The following PIAS2 variants were observed in gnomAD, a reference collection of about 807,000 sequenced individuals.
PIAS2 encodes E3 SUMO-protein ligase PIAS2.
A neutral mutation model predicts 69.7 loss-of-function variants in PIAS2; 19 were observed. That is an observed-to-expected ratio of 0.27 (90% CI 0.19 to 0.40). The LOEUF is 0.40. Ranked by LOEUF, PIAS2 falls within the 10% of genes least tolerant of loss-of-function variation. The pLI, the probability that PIAS2 is intolerant of heterozygous loss-of-function variation, is 1.00. For synonymous variants in PIAS2, 261 were observed against 263.2 expected (o/e 0.99, Z 0.08); for missense variants, 624 against 757.0 (o/e 0.82, Z 2.06).
Position 46,917,328 on chromosome 18 carries a change from C to A in PIAS2, c.18G>T (p.Glu6Asp), listed in dbSNP as rs1599217143. ...GCTCTCCACTCCCGCTTACCCTCAA[C>A]TCTTCGAAATCCGCCATTTTATACC... MADFE[E>D]LRNMVSSFRV... Residue 6 changes from glutamate to aspartate, a missense_variant, in exon 1 of 14, where the codon GAG becomes GAT. Glu to Asp is a conservative substitution (Grantham distance 45). Coordinates refer to ENST00000585916, the MANE Select transcript of PIAS2 (RefSeq NM_004671.5). The A allele has an allele frequency of 3.0e-5, 44 of 1,479,266 alleles. No individual in the cohort carries two copies. The highest frequency in any genetic ancestry group is 3.9e-5 in the Non-Finnish European group (43 of 1,111,044). 91.6% of individuals were successfully genotyped at this position (1,479,266 alleles called of 1,614,324 possible).
intron 11 of PIAS2, among the ~76,000 whole-genome samples, chr18:46,822,176 T>C (rs991034863): frequency 2.0e-5 from 3 of 152,210 alleles, no homozygotes; most frequent in African/African-American, 7.2e-5. Context: ...GAAAACTATT[T>C]CATAACCTCA....
At chr18:46,823,047 C>T (rs370588193) in intron 11 of PIAS2, among the ~76,000 whole-genome samples, 6 of 143,984 alleles carry the variant, frequency 4.2e-5, no homozygotes, top group East Asian at 4.0e-4. Flanking sequence ...GACCAGACTA[C>T]GGAACATAGG....
intron 5 of PIAS2, among the ~76,000 whole-genome samples, chr18:46,848,469 A>C (rs563249825): frequency 6.6e-6 from 1 of 152,314 alleles, no homozygotes; most frequent in South Asian, 2.1e-4. Context: ...AGCAATTTTA[A>C]GACACTTCTG....
At position 46,889,426 on chromosome 18, in the gene PIAS2, T is replaced by A. The variant is rs142963417; in HGVS notation, c.499+1154A>T. On this transcript the variant is annotated intron_variant, in intron 2 of 13. Coordinates refer to ENST00000585916, the MANE Select transcript of PIAS2 (RefSeq NM_004671.5). ...ACCAATTCAAAAATGGGCAAGAGAC[T>A]TGGCTATACATTTCTTGAAAGATAC... 4.1e-4 allele frequency among the ~76,000 whole-genome samples: 63 copies of A among 152,248 alleles called. No homozygotes were observed. The East Asian group carries it at 9.3e-3, about 22-fold the overall frequency.
At chr18:46,817,475 A>G (rs2041683921) in intron 12 of PIAS2, 1 of 954,316 alleles carries the variant, frequency 1.0e-6, no homozygotes, top group Non-Finnish European at 1.2e-6. Flanking sequence ...TGTTATTTCA[A>G]TTCCAGTTCT....
rs566875118 is a variant in PIAS2 at position 46,865,297 on chromosome 18, T to G, written c.500-1049A>C. ...GCTCACACGTGTAATCCCAGCACTC[T>G]GGGAGGCCGAGGCAGGTGGATTACT... On this transcript the variant is annotated intron_variant, in intron 2 of 13. Transcript: ENST00000585916. Among the ~76,000 whole-genome samples the G allele has an allele frequency of 4.6e-5, 7 of 152,232 alleles. No individual in the cohort carries two copies. The South Asian group carries it at 8.3e-4, about 18-fold the overall frequency.
intron 2 of PIAS2, among the ~76,000 whole-genome samples, chr18:46,888,869 C>G (rs530957369): frequency 5.3e-4 from 81 of 152,194 alleles, no homozygotes; most frequent in Non-Finnish European, 9.7e-4. Context: ...AGGCTGTGGA[C>G]TGGTGCTAGT....
chr18:46,908,066 C>A (rs1213711138), intron 1 of PIAS2: 2 of 152,092 alleles, frequency 1.3e-5, no homozygotes, highest in African/African-American at 4.8e-5. Context: ...GAAAATTCAT[C>A]CAGCTATAAT....
At chr18:46,842,246 TAAAAAAA>T (rs755000016) in intron 8 of PIAS2, among the ~76,000 whole-genome samples, 1 of 35,568 alleles carries the variant, frequency 2.8e-5, no homozygotes, top group Non-Finnish European at 7.7e-5. Context: ...TAAAATAAAT[TAAAAAAA>T]AAAAAAAGGA....
intron 1 of PIAS2, among the ~76,000 whole-genome samples, chr18:46,895,443 G>A (rs1365605067): frequency 6.6e-6 from 1 of 152,142 alleles, no homozygotes; most frequent in Non-Finnish European, 1.5e-5. Flanking sequence ...GGCCAAAGCG[G>A]GCGGATCATC....
At chr18:46,824,375 T>C (rs2042558006) in intron 11 of PIAS2, among the ~76,000 whole-genome samples, 1 of 152,230 alleles carries the variant, frequency 6.6e-6, no homozygotes, top group Admixed American at 6.5e-5. Context: ...AGATTTATCC[T>C]TATTATGTTT....
intron 1 of PIAS2, among the ~76,000 whole-genome samples, chr18:46,909,081 T>A (rs2056967129): frequency 6.6e-6 from 1 of 152,110 alleles, no homozygotes; most frequent in South Asian, 2.1e-4. Context: ...TGCATCCAAC[T>A]GTGAAACTAT....
At chr18:46,915,819 T>C (rs1156656853) in intron 1 of PIAS2, among the ~76,000 whole-genome samples, 1 of 151,112 alleles carries the variant, frequency 6.6e-6, no homozygotes, top group African/African-American at 2.4e-5. Flanking sequence ...CTTAGAAAAC[T>C]TGTATACATC....
At chr18:46,876,942 C>T (rs1206219283) in intron 2 of PIAS2, among the ~76,000 whole-genome samples, 1 of 152,144 alleles carries the variant, frequency 6.6e-6, no homozygotes, top group East Asian at 1.9e-4. Flanking sequence ...CCTCATGATC[C>T]ACCTGCCTCA....
intron 3 of PIAS2, among the ~76,000 whole-genome samples, chr18:46,863,106 A>C (rs954546639): frequency 2.0e-5 from 3 of 152,162 alleles, no homozygotes; most frequent in Non-Finnish European, 4.4e-5. Context: ...TGGGTCTACC[A>C]ATACTTTTCA....
rs148347293 is a variant in PIAS2, at chr18:46,816,715, G to A, written c.1649-1366C>T. The A allele has an allele frequency of 3.4e-3, 2,611 of 767,942 alleles. 56 individuals are homozygous for A. In the African/African-American group the frequency reaches 0.045, roughly 13 times the overall value. The allele number at this position is 767,942 out of a possible 1,614,324, so 47.6% of individuals were successfully genotyped here. ...ACTCCAGAGCTCAAGTGATCCTCCCGCCTCAGCCTCCCAAAGTGCTGGGAT... is the reference window on the plus strand; with the variant it reads ...ACTCCAGAGCTCAAGTGATCCTCCCACCTCAGCCTCCCAAAGTGCTGGGAT... On this transcript the variant is annotated intron_variant, in intron 12 of 13. Coordinates refer to ENST00000585916, the MANE Select transcript of PIAS2 (RefSeq NM_004671.5).
At chr18:46,839,139 G>A (rs1196705664) in intron 8 of PIAS2, among the ~76,000 whole-genome samples, 1 of 152,096 alleles carries the variant, frequency 6.6e-6, no homozygotes, top group African/African-American at 2.4e-5. Context: ...ATGTAAGTGA[G>A]TTGGCTTTTT....
intron 1 of PIAS2, among the ~76,000 whole-genome samples, chr18:46,908,255 T>C (rs533098715): frequency 6.6e-6 from 1 of 152,262 alleles, no homozygotes; most frequent in African/African-American, 2.4e-5. Context: ...GATTACAGCC[T>C]TGAGCCACCT....
At chr18:46,891,136 A>AT in intron 1 of PIAS2, 82 bp from the exon 2 acceptor site, 1 of 1,020,436 alleles carries the variant, frequency 9.8e-7, no homozygotes, top group Non-Finnish European at 1.4e-6. Flanking sequence ...GTAAAATGTG[A>AT]TTTTTCCAGC....
Sources: allele counts gnomAD v4.1 joint callset (sites outside exome capture counted in the v4.1 genomes callset), GRCh38; gene constraint gnomAD v4.1.1; transcripts MANE v1.5; gene names NCBI Gene and HGNC (gene_info 2026-07-23, HGNC 2026-07-21).